Variants in SRBD1 observed in about 807,000 individuals in gnomAD.
The protein encoded by SRBD1 is S1 RNA binding domain 1, also known as S1 RNA-binding domain-containing protein 1.
In SRBD1, 88 loss-of-function variants were observed where a neutral mutation model predicts 115.3. The ratio of observed to expected loss-of-function variants is 0.76; its 90% CI spans 0.64 to 0.91. The LOEUF is 0.91. Ranked by LOEUF, SRBD1 falls within the 40% of genes least tolerant of loss-of-function variation. The pLI is 0.00. For missense variants in SRBD1, 1,385 were observed against 1,177.4 expected, an observed-to-expected ratio of 1.18 and a Z score of -2.58; for synonymous variants, 509 against 407.7, an observed-to-expected ratio of 1.25 and a Z score of -2.99.
chr2:45,546,928 T>C (rs1672139606), intron 13 of SRBD1, 89 bp from the exon 14 acceptor site: 2 of 1,213,048 alleles, frequency 1.6e-6, no homozygotes, highest in South Asian at 1.2e-5. Context: ...CAAATACTAT[T>C]ATATGATTCT....
At chr2:45,447,177 G>A (rs75121565) in intron 16 of SRBD1, 12,418 of 152,312 alleles carry the variant, frequency 0.082, 706 homozygotes, top group African/African-American at 0.15. Context: ...GAGGTCGGGC[G>A]CAGTGGCTCA....
In SRBD1 at chr2:45,419,790, T is replaced by C; in HGVS notation, c.2154A>G (p.Leu718=). The change falls in exon 17 of 21, where the codon TTA becomes TTG. Residue 718 remains leucine, a splice_region_variant and synonymous_variant. Transcript: ENST00000263736. ...CTTCAGCCACATATTTGTCTCACCT[T>C]AACAAAACTTCTGAACAGATGTTAA... The part of the protein sequence containing the change: ...VDINICSEVL[L]RHIAGLNANR... The C allele has an allele frequency of 6.2e-7, 1 of 1,613,434 alleles. No homozygotes were observed. The highest frequency in any genetic ancestry group is 1.3e-5 in the African/African-American group (1 of 75,038).
intron 17 of SRBD1, 119 bp from the exon 18 acceptor site, chr2:45,418,660 A>C: frequency 1.2e-6 from 1 of 823,766 alleles, no homozygotes. Flanking sequence ...AAGTTAAGTT[A>C]ATCCAAAAGG....
At chr2:45,574,336 T>C (rs972490480) in intron 8 of SRBD1, among the ~76,000 whole-genome samples, 1 of 152,206 alleles carries the variant, frequency 6.6e-6, no homozygotes, top group African/African-American at 2.4e-5. Flanking sequence ...TCTTCGTATA[T>C]ATTGTGTAAG....
intron 16 of SRBD1, among the ~76,000 whole-genome samples, chr2:45,476,232 T>C (rs1669800061): frequency 1.3e-5 from 2 of 152,202 alleles, no homozygotes. Context: ...CTGCCTCTTT[T>C]TCTATCAAAT....
At chr2:45,555,296 G>A (rs1672438275) in intron 10 of SRBD1, among the ~76,000 whole-genome samples, 1 of 152,088 alleles carries the variant, frequency 6.6e-6, no homozygotes, top group African/African-American at 2.4e-5. Context: ...GAAGCAGGAG[G>A]ATCACTTGAG....
chr2:45,414,901 AC>A (rs1478699235), intron 18 of SRBD1, among the ~76,000 whole-genome samples: 40 of 129,038 alleles, frequency 3.1e-4, no homozygotes, highest in Admixed American at 5.8e-4. Context: ...ATGTACACAC[AC>A]ATATAGTGTG....
chr2:45,391,994 A>G (rs562352660), intron 20 of SRBD1, among the ~76,000 whole-genome samples: 1 of 152,282 alleles, frequency 6.6e-6, no homozygotes, highest in African/African-American at 2.4e-5. Flanking sequence ...ATAAAAGGAT[A>G]CTGGGCCTCC....
At chr2:45,397,003 C>G (rs546720978) in intron 19 of SRBD1, among the ~76,000 whole-genome samples, 2 of 152,222 alleles carry the variant, frequency 1.3e-5, no homozygotes, top group East Asian at 3.9e-4. Flanking sequence ...TCTACCCACT[C>G]TCAACACTTT....
intron 20 of SRBD1, among the ~76,000 whole-genome samples, chr2:45,392,591 G>T (rs1202088308): frequency 6.6e-6 from 1 of 152,190 alleles, no homozygotes; most frequent in Admixed American, 6.5e-5. Flanking sequence ...AGCTTGTGAA[G>T]GGACTGCTTT....
At chr2:45,538,801 A>C (rs745705237) in intron 14 of SRBD1, among the ~76,000 whole-genome samples, 8 of 152,262 alleles carry the variant, frequency 5.3e-5, no homozygotes, top group Non-Finnish European at 8.8e-5. Context: ...AACTACAAGA[A>C]AATATATAAA....
intron 15 of SRBD1, among the ~76,000 whole-genome samples, chr2:45,478,153 G>A (rs1010490679): frequency 2.6e-5 from 4 of 152,004 alleles, no homozygotes; most frequent in African/African-American, 9.7e-5. Flanking sequence ...CAAAACACAT[G>A]GAAGCTAATC....
chr2:45,474,372 C>T (rs908582063), intron 16 of SRBD1, among the ~76,000 whole-genome samples: 3 of 152,182 alleles, frequency 2.0e-5, no homozygotes, highest in Non-Finnish European at 2.9e-5. Flanking sequence ...TTCCCCACCT[C>T]CGGTGATAAT....
At chr2:45,428,163 G>T (rs188201129) in intron 16 of SRBD1, among the ~76,000 whole-genome samples, 23 of 152,288 alleles carry the variant, frequency 1.5e-4, no homozygotes, top group Admixed American at 1.2e-3. Flanking sequence ...TCAGACTACA[G>T]TGCAATAAAA....
intron 14 of SRBD1, among the ~76,000 whole-genome samples, chr2:45,527,029 G>GC (rs1671464573): frequency 6.6e-6 from 1 of 151,856 alleles, no homozygotes; most frequent in Non-Finnish European, 1.5e-5. Context: ...TGTTTCCATA[G>GC]TTTTTAGAAA....
intron 2 of SRBD1, among the ~76,000 whole-genome samples, chr2:45,604,504 T>C (rs889522204): frequency 1.3e-5 from 2 of 152,072 alleles, no homozygotes; most frequent in Non-Finnish European, 2.9e-5. Flanking sequence ...TAGATCCAGA[T>C]CCTACTCATT....
At chr2:45,410,794 A>G (rs1009001227) in intron 19 of SRBD1, among the ~76,000 whole-genome samples, 1 of 152,162 alleles carries the variant, frequency 6.6e-6, no homozygotes, top group African/African-American at 2.4e-5. Context: ...CTAAAAACCC[A>G]AAAGGCCTGG....
At chr2:45,476,196 G>A (rs1443446498) in intron 16 of SRBD1, among the ~76,000 whole-genome samples, 4 of 152,182 alleles carry the variant, frequency 2.6e-5, no homozygotes, top group East Asian at 1.9e-4. Context: ...GAGATCTTGG[G>A]TAAATGTCTT....
chr2:45,603,028 G>T (rs532562143), intron 2 of SRBD1, among the ~76,000 whole-genome samples: 1 of 152,230 alleles, frequency 6.6e-6, no homozygotes, highest in South Asian at 2.1e-4. Context: ...TAACATAACA[G>T]CAGTGGAACT....
Sources: gnomAD v4.1 joint callset for allele counts (sites outside exome capture counted in the v4.1 genomes callset) on GRCh38, gnomAD v4.1.1 for gene constraint, MANE v1.5 for transcripts, NCBI Gene and HGNC (gene_info 2026-07-23, HGNC 2026-07-21) for gene names.